CDCA2: variants seen among roughly 807,000 people sequenced by gnomAD.
CDCA2 encodes cell division cycle associated 2.
In CDCA2, 44 loss-of-function variants were observed where a neutral mutation model predicts 67.0. The ratio of observed to expected loss-of-function variants is 0.66; its 90% CI spans 0.52 to 0.84. CDCA2 has a LOEUF of 0.84. Ranked by LOEUF, CDCA2 falls within the 40% of genes least tolerant of loss-of-function variation. The pLI, the probability that CDCA2 is intolerant of heterozygous loss-of-function variation, is 0.00. For synonymous variants in CDCA2, 447 were observed against 418.7 expected (o/e 1.07, Z -0.82); for missense variants, 1,253 against 1,203.2 (o/e 1.04, Z -0.61).
intron 12 of CDCA2, among the ~76,000 whole-genome samples, chr8:25,487,864 T>A (rs938458959): frequency 1.3e-5 from 2 of 152,228 alleles, no homozygotes; most frequent in Admixed American, 6.5e-5. Context: ...TGTGTTAACA[T>A]GGAAGTTAAC....
chr8:25,465,180 G>A (rs760347202), intron 4 of CDCA2, among the ~76,000 whole-genome samples: 14 of 152,094 alleles, frequency 9.2e-5, no homozygotes, highest in Non-Finnish European at 1.5e-4. Context: ...CACCATGTTA[G>A]CCAGGCTGGT....
Position 25,507,100 on chromosome 8 carries a change from GGAA to G in CDCA2, c.2438_2440del (p.Arg813del). On this transcript the variant is annotated inframe_deletion, in exon 15 of 15. Transcript: ENST00000330560. ...ATCTAAAAGCCAGAGTGAGGATTTG[GGAA>G]GAAAACCCATGGAAAGTAGCAGTGT... 2 of 1,614,158 alleles carry G rather than the reference GGAA, an allele frequency of 1.2e-6. No individual in the cohort carries two copies. The highest frequency in any genetic ancestry group is 8.5e-7 in the Non-Finnish European group (1 of 1,180,042).
At chr8:25,479,545 C>T (rs1803484277) in intron 7 of CDCA2, 2 of 247,670 alleles carry the variant, frequency 8.1e-6, no homozygotes, top group Admixed American at 1.0e-4. Flanking sequence ...GCTTATTAGT[C>T]AATGCTTGGC....
chr8:25,501,808 C>G (rs563976181), intron 13 of CDCA2, among the ~76,000 whole-genome samples: 107 of 152,302 alleles, frequency 7.0e-4, no homozygotes, highest in African/African-American at 2.6e-3. Context: ...CTTCCAGATC[C>G]CACACCTGGC....
intron 5 of CDCA2, among the ~76,000 whole-genome samples, chr8:25,467,377 C>T (rs921848193): frequency 2.0e-5 from 3 of 152,160 alleles, no homozygotes; most frequent in Non-Finnish European, 2.9e-5. Flanking sequence ...CTCTAGAGTG[C>T]GTGACCCATT....
At chr8:25,498,453 A>ACCCCCCCACCCCCCCCCCCC (rs1804328687) in intron 13 of CDCA2, among the ~76,000 whole-genome samples, 1 of 76,612 alleles carries the variant, frequency 1.3e-5, no homozygotes, top group Non-Finnish European at 2.6e-5. Flanking sequence ...GGTAATCTGC[A>ACCCCCCCACCCCCCCCCCCC]CCCCCCCCCC....
chr8:25,501,599 A>G (rs567612650), intron 13 of CDCA2, among the ~76,000 whole-genome samples: 4 of 152,346 alleles, frequency 2.6e-5, no homozygotes, highest in Non-Finnish European at 4.4e-5. Context: ...GCCTTTCTGC[A>G]TCGCCCCCAT....
At position 25,460,403 on chromosome 8, in the gene CDCA2, G is replaced by A. The variant is rs547528093; in HGVS notation, c.81G>A (p.Leu27=). ...MNNAGNASFI[L]GTGKIVTPQK... Reference sequence around the variant, plus strand: ...TTTCAGGAAATGCCTCTTTCATTTTGGGAACTGGGAAGATTGTGACTCCTC... The same window carrying A: ...TTTCAGGAAATGCCTCTTTCATTTTAGGAACTGGGAAGATTGTGACTCCTC... Residue 27 remains leucine (L), a synonymous_variant, in exon 3 of 15, where the codon TTG becomes TTA. Coordinates refer to ENST00000330560, the MANE Select transcript of CDCA2 (RefSeq NM_152562.4). 4 of 1,614,048 alleles carry A rather than the reference G, an allele frequency of 2.5e-6. No individual in the cohort carries two copies. Among genetic ancestry groups the A allele is most frequent in the African/African-American group, 2.7e-5 (2 of 74,996 alleles).
rs747679283 is a variant in CDCA2, at chr8:25,485,838, G to T, written c.1444+1G>T. The T allele has an allele frequency of 1.3e-6, 2 of 1,529,846 alleles. No homozygotes were observed. Among genetic ancestry groups the T allele is most frequent in the South Asian group, 1.2e-5 (1 of 86,236 alleles). 94.8% of individuals were successfully genotyped at this position (1,529,846 alleles called of 1,614,324 possible). On this transcript the variant is annotated splice_donor_variant, in intron 11 of 14. Transcript: ENST00000330560. LOFTEE classifies it high-confidence loss of function. ...TCATCAATCTCTGAGACCCTTTCAG[G>T]TAGTAACTTGTTTATCTTAAAATCA...
At chr8:25,488,803 T>A in intron 13 of CDCA2, 114 bp downstream of exon 13, 3 of 1,035,296 alleles carry the variant, frequency 2.9e-6, no homozygotes, top group Non-Finnish European at 2.6e-6. Context: ...CCAAGATTAT[T>A]AATGCAATCT....
At chr8:25,468,562 T>TGTGTGTGCGTGC in intron 6 of CDCA2, 149 bp downstream of exon 6, 2 of 452,630 alleles carry the variant, frequency 4.4e-6, no homozygotes, top group African/African-American at 2.1e-5. Context: ...TGTGTGCGTG[T>TGTGTGTGCGTGC]GTGTGTGTGT....
chr8:25,478,337 G>T (rs891874116), intron 7 of CDCA2, among the ~76,000 whole-genome samples: 1 of 152,102 alleles, frequency 6.6e-6, no homozygotes, highest in Admixed American at 6.5e-5. Flanking sequence ...ATTCCTATCA[G>T]TGTGGTCCAG....
intron 14 of CDCA2, 27 bp downstream of exon 14, chr8:25,503,571 T>C (rs1305798064): frequency 6.4e-7 from 1 of 1,570,530 alleles, no homozygotes. Flanking sequence ...CTGGTAGTTA[T>C]ATTTTATCTT....
intron 5 of CDCA2, among the ~76,000 whole-genome samples, chr8:25,467,770 T>C (rs964138050): frequency 2.0e-5 from 3 of 152,100 alleles, no homozygotes; most frequent in African/African-American, 7.2e-5. Flanking sequence ...AAAAGTGTGG[T>C]AGATTTTTCT....
intron 7 of CDCA2, among the ~76,000 whole-genome samples, chr8:25,472,532 T>C (rs1266065746): frequency 6.6e-6 from 1 of 152,206 alleles, no homozygotes; most frequent in East Asian, 1.9e-4. Flanking sequence ...ATTACAGGCA[T>C]GAGCCACCAC....
chr8:25,491,308 G>T (rs1253096841), intron 13 of CDCA2, among the ~76,000 whole-genome samples: 1 of 152,132 alleles, frequency 6.6e-6, no homozygotes, highest in African/African-American at 2.4e-5. Flanking sequence ...TCAAATAAGA[G>T]GATTTCCTAG....
chr8:25,507,480 A>G lies in CDCA2; in HGVS notation c.2814A>G (p.Ile938Met). ...DSSGFESMSPIKETVSSRQKP... is the reference protein window; with the variant it reads ...DSSGFESMSPMKETVSSRQKP... ...GTGGATTTGAAAGTATGTCTCCCAT[A>G]AAAGAAACTGTGTCCTCCAGACAAA... Residue 938 changes from isoleucine to methionine, a missense_variant, in exon 15 of 15, where the codon ATA becomes ATG. Coordinates refer to ENST00000330560, the MANE Select transcript of CDCA2 (RefSeq NM_152562.4). 2.5e-6 allele frequency: 4 copies of G among 1,613,898 alleles called. No individual in the cohort carries two copies. Among genetic ancestry groups the G allele is most frequent in the Non-Finnish European group, 3.4e-6 (4 of 1,179,954 alleles).
At chr8:25,467,020 C>T (rs1375038511) in intron 5 of CDCA2, among the ~76,000 whole-genome samples, 2 of 102,360 alleles carry the variant, frequency 2.0e-5, no homozygotes, top group African/African-American at 3.8e-5. Context: ...CCAGCCTGGG[C>T]GAAGAAGTGA....
chr8:25,462,017 T>G, intron 3 of CDCA2, 37 bp from the exon 4 acceptor site: 2 of 1,593,778 alleles, frequency 1.3e-6, no homozygotes, highest in African/African-American at 2.7e-5. Context: ...GATGATTGCC[T>G]TGTTTTGTTC....
Sources: allele counts gnomAD v4.1 joint callset (sites outside exome capture counted in the v4.1 genomes callset), GRCh38; gene constraint gnomAD v4.1.1; transcripts MANE v1.5; gene names NCBI Gene and HGNC (gene_info 2026-07-23, HGNC 2026-07-21).